SDK1: variants seen among roughly 807,000 people sequenced by gnomAD.
SDK1 encodes the protein sidekick cell adhesion molecule 1, also known as protein sidekick-1.
In SDK1, 157 loss-of-function variants were observed where a neutral mutation model predicts 245.5. That is an observed-to-expected ratio of 0.64 (90% CI 0.56 to 0.73). SDK1 has a LOEUF of 0.73. Among genes scored for constraint, SDK1 ranks in the 30% least tolerant of loss-of-function variants. The pLI, the probability that SDK1 is intolerant of heterozygous loss-of-function variation, is 0.00. For missense variants in SDK1, 3,583 were observed against 3,002.3 expected, an observed-to-expected ratio of 1.19 and a Z score of -4.52; for synonymous variants, 1,647 against 1,278.5, an observed-to-expected ratio of 1.29 and a Z score of -6.15.
At chr7:3,500,650 G>T (rs1452151469) in intron 1 of SDK1, among the ~76,000 whole-genome samples, 1 of 150,366 alleles carries the variant, frequency 6.7e-6, no homozygotes, top group South Asian at 2.1e-4. Context: ...TTTGTGCTCG[G>T]TACTCAGTGG....
Position 3,778,615 on chromosome 7 carries a change from A to G in SDK1, c.714-42835A>G, listed in dbSNP as rs191142397. 3.7e-3 allele frequency among the ~76,000 whole-genome samples: 570 copies of G among 152,376 alleles called. 2 individuals are homozygous for G. The highest frequency in any genetic ancestry group is 5.9e-3 in the Non-Finnish European group (399 of 68,034). On this transcript the variant is annotated intron_variant, in intron 4 of 44. Transcript: ENST00000404826. Reference sequence around the variant, plus strand: ...TTTTGTATTTCATTGTAGCGAAAGCACTTCACGTATGCTTATAGTAGGTTG... The same window carrying G: ...TTTTGTATTTCATTGTAGCGAAAGCGCTTCACGTATGCTTATAGTAGGTTG...
intron 1 of SDK1, among the ~76,000 whole-genome samples, chr7:3,356,845 C>T (rs1376311281): frequency 6.6e-6 from 1 of 151,908 alleles, no homozygotes; most frequent in African/African-American, 2.4e-5. Flanking sequence ...ATCACGAGGT[C>T]AGGAGTTCAA....
At chr7:4,193,463 C>T (rs1275256046) in intron 35 of SDK1, among the ~76,000 whole-genome samples, 2 of 147,882 alleles carry the variant, frequency 1.4e-5, no homozygotes, top group Non-Finnish European at 3.0e-5. Flanking sequence ...GGGATATTGC[C>T]ACTACTGGGG....
chr7:4,184,015 T>G (rs912326822), intron 35 of SDK1, among the ~76,000 whole-genome samples: 2 of 151,936 alleles, frequency 1.3e-5, no homozygotes, highest in African/African-American at 4.8e-5. Flanking sequence ...CTGCAGAGAG[T>G]TTTCTGGAAG....
intron 1 of SDK1, among the ~76,000 whole-genome samples, chr7:3,473,819 A>G (rs999639892): frequency 9.2e-5 from 14 of 152,196 alleles, no homozygotes; most frequent in Admixed American, 8.5e-4. Flanking sequence ...TGAAAATTTT[A>G]GACCACCGTA....
chr7:3,626,327 C>A (rs143145231), intron 2 of SDK1, among the ~76,000 whole-genome samples: 2 of 152,276 alleles, frequency 1.3e-5, no homozygotes, highest in East Asian at 3.9e-4. Flanking sequence ...GCTGTTAAGT[C>A]TAATTCATGA....
rs186967611 is a variant in SDK1 at position 3,615,744 on chromosome 7, A to T, written c.299-3336A>T. Among the ~76,000 whole-genome samples, 478 of 151,712 alleles carry T rather than the reference A, an allele frequency of 3.2e-3. 24 individuals carry two copies. The highest frequency in any genetic ancestry group is 2.7e-3 in the Non-Finnish European group (183 of 67,786). On this transcript the variant is annotated intron_variant, in intron 1 of 44. Coordinates refer to ENST00000404826, the MANE Select transcript of SDK1 (RefSeq NM_152744.4). Reference sequence around the variant, plus strand: ...TTTTTCCCACCTAACTATTGCTTTAAAGCGGATCACTGCAGTGGCCTCTGG... The same window carrying T: ...TTTTTCCCACCTAACTATTGCTTTATAGCGGATCACTGCAGTGGCCTCTGG...
intron 30 of SDK1, among the ~76,000 whole-genome samples, chr7:4,153,215 C>T (rs650871): frequency 0.13 from 19,402 of 151,682 alleles, 1,353 homozygotes; most frequent in Middle Eastern, 0.17. Flanking sequence ...CACCACGGCC[C>T]TAGCTCCTTT....
At chr7:4,201,447 A>G (rs902825528) in intron 35 of SDK1, among the ~76,000 whole-genome samples, 6 of 152,266 alleles carry the variant, frequency 3.9e-5, no homozygotes, top group Admixed American at 6.5e-5. Context: ...AAACTGAGGA[A>G]TATACAATTT....
chr7:3,881,273 C>T (rs1291185907), intron 5 of SDK1, among the ~76,000 whole-genome samples: 3 of 151,992 alleles, frequency 2.0e-5, no homozygotes, highest in Non-Finnish European at 2.9e-5. Context: ...GCAACAGGCC[C>T]CCCAGTGTGT....
intron 28 of SDK1, among the ~76,000 whole-genome samples, chr7:4,138,347 T>C (rs1467287904): frequency 1.3e-5 from 2 of 152,158 alleles, no homozygotes; most frequent in African/African-American, 4.8e-5. Flanking sequence ...TTCATGCTTC[T>C]AAAGGGAAAA....
intron 35 of SDK1, among the ~76,000 whole-genome samples, chr7:4,192,803 C>T (rs149605401): frequency 1.4e-3 from 209 of 152,016 alleles, no homozygotes; most frequent in African/African-American, 4.8e-3. Flanking sequence ...CAAGGCAGCA[C>T]GGCCAGTCTG....
chr7:3,576,469 C>T (rs1055803039), intron 1 of SDK1, among the ~76,000 whole-genome samples: 1 of 152,040 alleles, frequency 6.6e-6, no homozygotes, highest in African/African-American at 2.4e-5. Context: ...TCCCCGTTTG[C>T]AGTGGTCCAG....
At chr7:3,875,757 G>C (rs1781060644) in intron 5 of SDK1, among the ~76,000 whole-genome samples, 1 of 152,182 alleles carries the variant, frequency 6.6e-6, no homozygotes, top group Non-Finnish European at 1.5e-5. Context: ...AGAGGTGGTT[G>C]GTTATAGGTG....
At chr7:3,481,969 C>T (rs1330543139) in intron 1 of SDK1, among the ~76,000 whole-genome samples, 1 of 151,762 alleles carries the variant, frequency 6.6e-6, no homozygotes, top group Non-Finnish European at 1.5e-5. Context: ...AGCCCTGCCT[C>T]ACATCAAAAA....
intron 4 of SDK1, among the ~76,000 whole-genome samples, chr7:3,821,112 C>G (rs1361770073): frequency 1.3e-5 from 2 of 152,142 alleles, no homozygotes; most frequent in African/African-American, 2.4e-5. Context: ...TTCCTTCTAA[C>G]TGGTCTTGTT....
intron 5 of SDK1, among the ~76,000 whole-genome samples, chr7:3,909,050 C>G (rs1779062139): frequency 1.3e-5 from 2 of 152,174 alleles, no homozygotes; most frequent in Admixed American, 6.5e-5. Context: ...GCCCCTCTGG[C>G]TGTGCCTTTT....
intron 1 of SDK1, among the ~76,000 whole-genome samples, chr7:3,409,860 G>T (rs1779151963): frequency 6.6e-6 from 1 of 152,146 alleles, no homozygotes; most frequent in Non-Finnish European, 1.5e-5. Context: ...TCTCCTAGCA[G>T]AGTTTAAGCG....
At chr7:4,102,389 A>G (rs541878486) in intron 22 of SDK1, among the ~76,000 whole-genome samples, 2 of 152,242 alleles carry the variant, frequency 1.3e-5, no homozygotes, top group Admixed American at 1.3e-4. Flanking sequence ...TGCTGACACC[A>G]GAGTTTCAGC....
Sources: allele counts gnomAD v4.1 joint callset (sites outside exome capture counted in the v4.1 genomes callset), GRCh38; gene constraint gnomAD v4.1.1; transcripts MANE v1.5; gene names NCBI Gene and HGNC (gene_info 2026-07-23, HGNC 2026-07-21).